ZNF143: variants seen among roughly 807,000 people sequenced by gnomAD.
ZNF143 encodes the protein zinc finger protein 143, also known as SPH-binding factor.
ZNF143 carries 49 observed loss-of-function variants against 74.1 expected under a neutral mutation model. That is an observed-to-expected ratio of 0.66 (90% CI 0.53 to 0.84). The LOEUF (loss-of-function observed/expected upper bound fraction) is 0.84. ZNF143 is among the 40% of genes least tolerant of loss of function. The pLI is 0.00. For missense variants in ZNF143, 637 were observed against 793.4 expected, an observed-to-expected ratio of 0.80 and a Z score of 2.37; for synonymous variants, 304 against 282.8, an observed-to-expected ratio of 1.07 and a Z score of -0.75.
chr11:9,513,867 A>G (rs561022653), intron 13 of ZNF143, among the ~76,000 whole-genome samples: 30 of 152,284 alleles, frequency 2.0e-4, no homozygotes, highest in African/African-American at 7.2e-4. Context: ...CGGCCTGGAC[A>G]TTGGAGTGAG....
chr11:9,496,202 C>A, intron 8 of ZNF143, 101 bp from the exon 9 acceptor site: 3 of 1,004,358 alleles, frequency 3.0e-6, no homozygotes, highest in Non-Finnish European at 4.6e-6. Context: ...AAGCATACAA[C>A]AAAATCATTT....
At chr11:9,469,215 C>CTTTTTTTTT (rs33968880) in intron 1 of ZNF143, among the ~76,000 whole-genome samples, 1 of 97,464 alleles carries the variant, frequency 1.0e-5, no homozygotes, top group Non-Finnish European at 2.0e-5. Flanking sequence ...CAGCAGGGGT[C>CTTTTTTTTT]TTTTTTTTTT....
chr11:9,461,660 C>G (rs1388715922), intron 1 of ZNF143: 1 of 151,914 alleles, frequency 6.6e-6, no homozygotes, highest in Non-Finnish European at 1.5e-5. Flanking sequence ...AAAAAGGTTA[C>G]TGAGGTCTAA....
chr11:9,474,723 C>T, intron 5 of ZNF143, 90 bp downstream of exon 5: 1 of 1,258,504 alleles, frequency 7.9e-7, no homozygotes, highest in Non-Finnish European at 1.1e-6. Flanking sequence ...GAATTGTTGT[C>T]ATGGGAAAGA....
Position 9,525,159 on chromosome 11 carries a change from C to T in ZNF143, c.1687-81C>T, listed in dbSNP as rs1228798042. On this transcript the variant is annotated intron_variant, in intron 14 of 15. Coordinates refer to ENST00000396602, the MANE Select transcript of ZNF143 (RefSeq NM_003442.6). The stretch of plus-strand genomic sequence containing the variant: ...TTTTTCCTTTTCAATTTGAAGAAAT[C>T]CATTGTATTAAGTGGACTTTAACCT... The T allele has an allele frequency of 3.3e-6, 5 of 1,510,488 alleles. No homozygotes were observed. In the East Asian group the frequency reaches 1.1e-4, roughly 34 times the overall value. 93.6% of individuals were successfully genotyped at this position (1,510,488 alleles called of 1,614,324 possible).
At chr11:9,515,437 C>T (rs1023905288) in intron 13 of ZNF143, among the ~76,000 whole-genome samples, 5 of 150,820 alleles carry the variant, frequency 3.3e-5, no homozygotes, top group Non-Finnish European at 7.4e-5. Flanking sequence ...ATCACAAGGT[C>T]AGGAGATCGA....
Position 9,496,038 on chromosome 11 carries a change from C to T in ZNF143, c.766-265C>T, listed in dbSNP as rs147919783. Among the ~76,000 whole-genome samples, 213 of 152,302 alleles carry T rather than the reference C, an allele frequency of 1.4e-3. 2 individuals carry two copies. Among genetic ancestry groups the T allele is most frequent in the Non-Finnish European group, 1.2e-4 (8 of 68,024 alleles). ...TTTCTCATCACGTGTATGTTTCATGCAGACACCTTTGACCACTCGAGAAAG... is the reference window on the plus strand; with the variant it reads ...TTTCTCATCACGTGTATGTTTCATGTAGACACCTTTGACCACTCGAGAAAG... On this transcript the variant is annotated intron_variant, in intron 8 of 15. Transcript: ENST00000396602.
Position 9,525,370 on chromosome 11 carries a change from C to T in ZNF143, c.1817C>T (p.Thr606Ile). 6.2e-7 allele frequency: 1 copy of T among 1,614,118 alleles called. No individual in the cohort carries two copies. The highest frequency in any genetic ancestry group is 8.5e-7 in the Non-Finnish European group (1 of 1,180,004). The change falls in exon 15 of 16, where the codon ACC becomes ATC. Residue 606 changes from threonine (T) to isoleucine (I), a missense_variant. By Grantham distance (89) the Thr-to-Ile change is moderately conservative. This residue lies in a region of ZNF143 where 344 missense variants were observed against 485.6 expected (regional missense o/e 0.71). Transcript: ENST00000396602. The stretch of plus-strand genomic sequence containing the variant: ...ACCTTAGTAGCAACATCCAATGGCA[C>T]CCAGATTGCAGTTCAGGTGAGTACC... Reference protein sequence around the residue: ...PLTLVATSNGTQIAVQLGEQP... With the variant: ...PLTLVATSNGIQIAVQLGEQP...
intron 12 of ZNF143, among the ~76,000 whole-genome samples, chr11:9,511,072 G>GAA (rs1466240858): frequency 7.0e-6 from 1 of 143,062 alleles, no homozygotes; most frequent in Non-Finnish European, 1.5e-5. Flanking sequence ...TTATGAAAAT[G>GAA]AAAATAGTCT....
At position 9,516,218 on chromosome 11, in the gene ZNF143, T is replaced by G; in HGVS notation, c.1542T>G (p.Ala514=). ...DGTQHVNISQ[A]DMQAIGNTIT... ...TATTGCAGGTCAACATATCTCAAGC[T>G]GACATGCAGGCCATTGGCAACACCA... is the stretch of plus-strand genomic sequence containing the variant. Residue 514 remains alanine (A), a synonymous_variant, in exon 14 of 16, where the codon GCT becomes GCG. Transcript: ENST00000396602. 1 of 1,614,000 alleles carries G rather than the reference T, an allele frequency of 6.2e-7. No homozygotes were observed. Among genetic ancestry groups the G allele is most frequent in the African/African-American group, 1.3e-5 (1 of 75,032 alleles).
In ZNF143 at chr11:9,476,519, C is replaced by G. The variant is rs558997009; in HGVS notation, c.374-1871C>G. On this transcript the variant is annotated intron_variant, in intron 5 of 15. Coordinates refer to ENST00000396602, the MANE Select transcript of ZNF143 (RefSeq NM_003442.6). Reference sequence around the variant, plus strand: ...TCCCAAGTAGCTGAGATTACAGGTGCCCGCCACTACACCCGGCTAATTTTT... The same window carrying G: ...TCCCAAGTAGCTGAGATTACAGGTGGCCGCCACTACACCCGGCTAATTTTT... Among the ~76,000 whole-genome samples the G allele has an allele frequency of 3.6e-3, 541 of 151,632 alleles. 2 individuals carry two copies. The highest frequency in any genetic ancestry group is 5.4e-3 in the Non-Finnish European group (369 of 67,874).
At chr11:9,466,440 C>T (rs781368750) in intron 1 of ZNF143, among the ~76,000 whole-genome samples, 8 of 151,272 alleles carry the variant, frequency 5.3e-5, no homozygotes, top group South Asian at 2.1e-4. Context: ...GGATTACAGG[C>T]GTCTGCCACC....
At chr11:9,491,254 A>G (rs542037822) in intron 7 of ZNF143, among the ~76,000 whole-genome samples, 1 of 145,942 alleles carries the variant, frequency 6.9e-6, no homozygotes, top group South Asian at 2.1e-4. Flanking sequence ...CATTTTACAT[A>G]CTTTTTTTTT....
intron 10 of ZNF143, among the ~76,000 whole-genome samples, chr11:9,499,638 G>A (rs1437173057): frequency 2.0e-5 from 3 of 152,156 alleles, no homozygotes; most frequent in Admixed American, 6.5e-5. Flanking sequence ...GCAGGAGTTC[G>A]AGGCTGCAGT....
At chr11:9,502,467 G>A (rs1228096065) in intron 11 of ZNF143, among the ~76,000 whole-genome samples, 5 of 150,740 alleles carry the variant, frequency 3.3e-5, no homozygotes, top group East Asian at 2.0e-4. Flanking sequence ...AAAATTAGCC[G>A]GGCATGGTGG....
intron 12 of ZNF143, 21 bp from the exon 13 acceptor site, chr11:9,512,427 T>C: frequency 1.3e-6 from 2 of 1,597,780 alleles, no homozygotes; most frequent in African/African-American, 1.3e-5. Flanking sequence ...GTCAAATAAA[T>C]GATTCATTTG....
intron 14 of ZNF143, among the ~76,000 whole-genome samples, chr11:9,522,956 G>A (rs1589955082): frequency 6.9e-6 from 1 of 144,306 alleles, no homozygotes; most frequent in African/African-American, 2.6e-5. Context: ...TTTAGTAGAG[G>A]TGGGGTTTCA....
chr11:9,484,025 G>A (rs964562046), intron 7 of ZNF143, among the ~76,000 whole-genome samples: 1 of 151,528 alleles, frequency 6.6e-6, no homozygotes, highest in African/African-American at 2.4e-5. Context: ...TGGGATTACA[G>A]GCGTGAGCCA....
rs373103822 is a variant in ZNF143 at position 9,463,577 on chromosome 11, G to C, written c.-8+2501G>C. Among the ~76,000 whole-genome samples, 35 of 152,256 alleles carry C rather than the reference G, an allele frequency of 2.3e-4. 1 individual carries two copies. The highest frequency in any genetic ancestry group is 8.4e-4 in the African/African-American group (35 of 41,558). On this transcript the variant is annotated intron_variant, in intron 1 of 15. Coordinates refer to ENST00000396602, the MANE Select transcript of ZNF143 (RefSeq NM_003442.6). ...TGCCTAACGATCATTTATAATCATT[G>C]GAGAAATGTCTGTTTGAATTCTTTA...
Sources: allele counts gnomAD v4.1 joint callset (sites outside exome capture counted in the v4.1 genomes callset), GRCh38; gene constraint gnomAD v4.1.1; regional missense constraint gnomAD v4.1.1; transcripts MANE v1.5; gene names NCBI Gene and HGNC (gene_info 2026-07-23, HGNC 2026-07-21).